Variants in CXADR observed in about 807,000 individuals in gnomAD.
The protein encoded by CXADR is coxsackievirus and adenovirus receptor.
Under a neutral mutation model 40.3 loss-of-function variants are expected in CXADR, and 20 were observed. The ratio of observed to expected loss-of-function variants is 0.50; its 90% CI spans 0.35 to 0.72. The LOEUF is 0.72. CXADR is among the 30% of genes least tolerant of loss of function. The pLI is 0.01. For missense variants in CXADR, 332 were observed against 449.1 expected (o/e 0.74, Z 2.36); for synonymous variants, 150 against 161.3 (o/e 0.93, Z 0.53).
intron 1 of CXADR, among the ~76,000 whole-genome samples, chr21:17,517,549 A>T (rs1437076225): frequency 6.6e-6 from 1 of 152,214 alleles, no homozygotes; most frequent in African/African-American, 2.4e-5. Flanking sequence ...TTGCTGAAAA[A>T]GAGGCATTTT....
At chr21:17,519,332 T>C (rs951940596) in intron 1 of CXADR, among the ~76,000 whole-genome samples, 3 of 152,236 alleles carry the variant, frequency 2.0e-5, no homozygotes, top group Non-Finnish European at 2.9e-5. Context: ...TTTCAACTTC[T>C]TTGCCACTAG....
intron 1 of CXADR, among the ~76,000 whole-genome samples, chr21:17,544,938 G>T (rs1054260096): frequency 2.6e-5 from 4 of 151,970 alleles, no homozygotes; most frequent in Non-Finnish European, 5.9e-5. Flanking sequence ...AGGACTAATG[G>T]AAAGAATCAT....
chr21:17,597,283 T>C (rs932638185), downstream of CXADR, among the ~76,000 whole-genome samples: 2 of 152,040 alleles, frequency 1.3e-5, no homozygotes, highest in Non-Finnish European at 2.9e-5. Flanking sequence ...ACTTACATTC[T>C]TGCTTAACAA....
At chr21:17,612,862 C>G in the CXADR span, 1 of 152,080 alleles carries the variant, frequency 6.6e-6, no homozygotes, top group African/African-American at 2.4e-5. Context: ...GCCAAGCGCG[C>G]GTTGAGAGGA....
chr21:17,615,069 T>A, the CXADR span, among the ~76,000 whole-genome samples: 1 of 152,084 alleles, frequency 6.6e-6, no homozygotes, highest in Non-Finnish European at 1.5e-5. Context: ...ATCCCCAATG[T>A]GATGGTATTT....
chr21:17,565,442 C>A lies in CXADR; in HGVS notation c.848C>A (p.Pro283His), dbSNP rs1231119895. ...VHHDIREDVP[P>H]PKSRTSTARS... ...TTGCTTTGCAGGGAAGATGTGCCAC[C>A]TCCAAAGAGCCGTACGTCCACTGCC... Residue 283 changes from proline (P) to histidine (H), a missense_variant, in exon 7 of 7, where the codon CCT (proline) becomes CAT (histidine). Physicochemically the swap from Pro to His is moderately conservative, Grantham distance 77. Around this residue, in one of 3 missense-constraint regions of CXADR, gnomAD observed 150 missense variants for 194.2 expected, o/e 0.77. Transcript: ENST00000284878. The A allele has an allele frequency of 6.2e-7, 1 of 1,613,792 alleles. No homozygotes were observed. The highest frequency in any genetic ancestry group is 8.5e-7 in the Non-Finnish European group (1 of 1,179,766).
exon 8 of CXADR, chr21:17,593,201 C>G (rs2061457987): frequency 2.1e-6 from 3 of 1,445,858 alleles, no homozygotes; most frequent in Non-Finnish European, 2.7e-6. Context: ...TAAATATGGA[C>G]TACTGAAGAA....
At position 17,528,223 on chromosome 21, in the gene CXADR, G is replaced by A. The variant is rs1291546263; in HGVS notation, c.43+15051G>A. On this transcript the variant is annotated intron_variant, in intron 1 of 6. Coordinates refer to ENST00000284878, the MANE Select transcript of CXADR (RefSeq NM_001338.5). The stretch of plus-strand genomic sequence containing the variant: ...CGAGTAGCTGGGACTACAGGTGCCT[G>A]CCACCTCACCCAGCTAATTTTTTTG... 2.0e-5 allele frequency among the ~76,000 whole-genome samples: 3 copies of A among 151,496 alleles called. No individual in the cohort carries two copies. The East Asian group carries it at 5.9e-4, about 30-fold the overall frequency.
At chr21:17,531,018 G>A (rs2060667281) in intron 1 of CXADR, among the ~76,000 whole-genome samples, 1 of 152,026 alleles carries the variant, frequency 6.6e-6, no homozygotes, top group South Asian at 2.1e-4. Flanking sequence ...TTCCAGTTGC[G>A]GTCAGGCGCA....
chr21:17,599,167 A>G, the CXADR span: 1 of 208,098 alleles, frequency 4.8e-6, no homozygotes, highest in Non-Finnish European at 9.6e-6. Context: ...TTGTACAATA[A>G]AACATTCTGA....
rs138220858 is a variant in CXADR at position 17,566,421 on chromosome 21, T to C, written c.*729T>C. ...TAGAACATTTGCTGTCAGCCACATA[T>C]TGAGATGACACTAGGTGCAATAGCA... is the stretch of plus-strand genomic sequence containing the variant. On this transcript the variant is annotated 3_prime_UTR_variant, in exon 7 of 7. Transcript: ENST00000284878. 2.2e-3 allele frequency: 2,168 copies of C among 985,414 alleles called. 127 individuals are homozygous for C. In the East Asian group the frequency reaches 0.16, roughly 72 times the overall value. 61.0% of individuals were successfully genotyped at this position (985,414 alleles called of 1,614,324 possible).
intron 1 of CXADR, among the ~76,000 whole-genome samples, chr21:17,523,350 AAG>A (rs1404138804): frequency 6.6e-6 from 1 of 152,194 alleles, no homozygotes; most frequent in Non-Finnish European, 1.5e-5. Context: ...CTAGAAGAGA[AAG>A]AGCATTTGAA....
chr21:17,604,961 A>G, the CXADR span: 2 of 1,614,218 alleles, frequency 1.2e-6, no homozygotes, highest in Non-Finnish European at 1.7e-6. Context: ...TCAGGACATC[A>G]GGATCAACTC....
intron 1 of CXADR, among the ~76,000 whole-genome samples, chr21:17,538,905 G>A (rs911839741): frequency 2.0e-5 from 3 of 152,200 alleles, no homozygotes; most frequent in African/African-American, 7.2e-5. Context: ...TGTGGTTGCA[G>A]GGAAGCCAGT....
At chr21:17,557,486 G>A (rs1197035684) in intron 3 of CXADR, among the ~76,000 whole-genome samples, 2 of 152,126 alleles carry the variant, frequency 1.3e-5, no homozygotes, top group African/African-American at 4.8e-5. Context: ...GTGGTTCCTC[G>A]TAATGCCGTC....
At chr21:17,610,150 T>G in the CXADR span, among the ~76,000 whole-genome samples, 11 of 152,266 alleles carry the variant, frequency 7.2e-5, no homozygotes, top group African/African-American at 2.6e-4. Context: ...GAAGACAGAT[T>G]AGTGGCCTAC....
chr21:17,560,886 T>C (rs754735282), intron 5 of CXADR, 62 bp downstream of exon 5: 75 of 1,597,010 alleles, frequency 4.7e-5, no homozygotes, highest in Non-Finnish European at 5.7e-5. Context: ...CCTCCTTTAG[T>C]TCAGTCAGCA....
chr21:17,585,035 TCA>T (rs1005798274), intron 7 of CXADR, among the ~76,000 whole-genome samples: 1 of 152,194 alleles, frequency 6.6e-6, no homozygotes, highest in Non-Finnish European at 1.5e-5. Flanking sequence ...TAAAACAAAA[TCA>T]CACTGTTTTT....
chr21:17,593,127 G>C (rs758304211), intron 7 of CXADR: 1 of 1,396,090 alleles, frequency 7.2e-7, no homozygotes, highest in African/African-American at 1.5e-5. Flanking sequence ...CTCTTATAGA[G>C]ATATCTCTTT....
Sources: allele counts gnomAD v4.1 joint callset (sites outside exome capture counted in the v4.1 genomes callset), GRCh38; gene constraint gnomAD v4.1.1; regional missense constraint gnomAD v4.1.1; transcripts MANE v1.5; gene names NCBI Gene and HGNC (gene_info 2026-07-23, HGNC 2026-07-21).